The following ANKRD52 variants were observed in gnomAD, a reference collection of about 807,000 sequenced individuals.
ANKRD52 encodes the protein serine/threonine-protein phosphatase 6 regulatory ankyrin repeat subunit C.
A neutral mutation model predicts 116.0 loss-of-function variants in ANKRD52; 7 were observed. That is an observed-to-expected ratio of 0.06 (90% CI 0.03 to 0.11). The LOEUF (loss-of-function observed/expected upper bound fraction) is 0.11. Among genes scored for constraint, ANKRD52 ranks in the 10% least tolerant of loss-of-function variants. ANKRD52 has a pLI of 1.00. For synonymous variants in ANKRD52, 528 were observed against 578.1 expected, an observed-to-expected ratio of 0.91 and a Z score of 1.24; for missense variants, 839 against 1,408.6, an observed-to-expected ratio of 0.60 and a Z score of 6.47.
chr12:56,252,609 G>T lies in ANKRD52; in HGVS notation c.1302-39C>A, dbSNP rs1404166475. 1 of 1,603,888 alleles carries T rather than the reference G, an allele frequency of 6.2e-7. No homozygotes were observed. On this transcript the variant is annotated intron_variant, in intron 12 of 27. Transcript: ENST00000267116. This position sits in a 1 kb window ranked among gnomAD's most constrained non-coding sequence, Gnocchi z 4.7. ...GTGTTAAGAGAGTTACAGCCTCAAAGGGAAGCCACAGGCCCAGGGTGGGGC... is the reference window on the plus strand; with the variant it reads ...GTGTTAAGAGAGTTACAGCCTCAAATGGAAGCCACAGGCCCAGGGTGGGGC...
chr12:56,250,563 T>C (rs1871640247), intron 15 of ANKRD52, among the ~76,000 whole-genome samples: 2 of 151,546 alleles, frequency 1.3e-5, no homozygotes, highest in Non-Finnish European at 1.5e-5. Flanking sequence ...AAATAAACTT[T>C]TTGTTTTAGA....
In ANKRD52 at chr12:56,240,244, C is replaced by T. The variant is rs548250076; in HGVS notation, c.*2898G>A. 6.0e-4 allele frequency: 92 copies of T among 152,308 alleles called. No homozygotes were observed. The highest frequency in any genetic ancestry group is 2.1e-3 in the African/African-American group (88 of 41,540). The allele number at this position is 152,308 out of a possible 1,614,324, so 9.4% of individuals were successfully genotyped here. On this transcript the variant is annotated 3_prime_UTR_variant, in exon 28 of 28. Coordinates refer to ENST00000267116, the MANE Select transcript of ANKRD52 (RefSeq NM_173595.4). The surrounding 1 kb of genome is among the most constrained non-coding windows in gnomAD (Gnocchi z 4.2). The stretch of plus-strand genomic sequence containing the variant: ...TTTTTCTGAAGGATAGTATATGACC[C>T]TACCAGAGCCACCGCCCAATCAGAA...
Position 56,241,318 on chromosome 12 carries a change from A to G in ANKRD52, c.*1824T>C, listed in dbSNP as rs1871159464. 1 of 152,152 alleles carries G rather than the reference A, an allele frequency of 6.6e-6. No individual in the cohort carries two copies. The highest frequency in any genetic ancestry group is 2.4e-5 in the African/African-American group (1 of 41,424). The allele number at this position is 152,152 out of a possible 1,614,324, so 9.4% of individuals were successfully genotyped here. A position where few individuals can be genotyped will look rare whatever the true frequency, so the allele number is the denominator to read the frequency against. Reference sequence around the variant, plus strand: ...ACAGGGGATCAAAAGGGACCATGAAAAGATAAGGACTTGGACAACACCCCA... The same window carrying G: ...ACAGGGGATCAAAAGGGACCATGAAGAGATAAGGACTTGGACAACACCCCA... On this transcript the variant is annotated 3_prime_UTR_variant, in exon 28 of 28. Transcript: ENST00000267116.
In ANKRD52 at chr12:56,245,169, A is replaced by G; in HGVS notation, c.2426T>C (p.Leu809Ser). ...SYTGHEDCLE[L>S]LLEHSPFSYL... ...CGAAAACGGGCTGTGTTCAAGTAAC[A>G]ACTCCAGACAATCTTCATGTCCTGG... Residue 809 changes from leucine (L) to serine (S), a missense_variant, in exon 22 of 28, where the codon TTG becomes TCG. Leu to Ser is a moderately radical substitution (Grantham distance 145, BLOSUM62 -2). Coordinates refer to ENST00000267116, the MANE Select transcript of ANKRD52 (RefSeq NM_173595.4). 1 of 1,614,032 alleles carries G rather than the reference A, an allele frequency of 6.2e-7. No homozygotes were observed.
Position 56,237,939 on chromosome 12 carries a change from T to C in ANKRD52, c.*5203A>G. 1 of 575,296 alleles carries C rather than the reference T, an allele frequency of 1.7e-6. No individual in the cohort carries two copies. Among genetic ancestry groups the C allele is most frequent in the Non-Finnish European group, 2.9e-6 (1 of 345,822 alleles). 35.6% of individuals were successfully genotyped at this position (575,296 alleles called of 1,614,324 possible). On this transcript the variant is annotated 3_prime_UTR_variant, in exon 28 of 28. Transcript: ENST00000267116. ...GAAGCCGGTTGGGGGAGGATGTGAG[T>C]AGGGGCCTGGAGGGTGCAGGGTCAT...
chr12:56,247,471 T>TC (rs1871467098), intron 20 of ANKRD52, 22 bp downstream of exon 20: 1 of 1,543,410 alleles, frequency 6.5e-7, no homozygotes, highest in African/African-American at 1.4e-5. Flanking sequence ...GTGCAAACAA[T>TC]CCCCCCTAGA....
Position 56,248,644 on chromosome 12 carries a change from C to T in ANKRD52, c.1705-78G>A. ...CCCCAGTCCCCGACTCGCAGTAATC[C>T]CCACTAAGCCTCTGGATCCAAAGAC... On this transcript the variant is annotated intron_variant, in intron 16 of 27. Coordinates refer to ENST00000267116, the MANE Select transcript of ANKRD52 (RefSeq NM_173595.4). The surrounding 1 kb of genome is among the most constrained non-coding windows in gnomAD (Gnocchi z 5.1). 1 of 1,489,314 alleles carries T rather than the reference C, an allele frequency of 6.7e-7. No homozygotes were observed. Among genetic ancestry groups the T allele is most frequent in the Non-Finnish European group, 9.2e-7 (1 of 1,089,014 alleles). The allele number at this position is 1,489,314 out of a possible 1,614,324, so 92.3% of individuals were successfully genotyped here. A position where few individuals can be genotyped will look rare whatever the true frequency, so the allele number is the denominator to read the frequency against.
intron 21 of ANKRD52, 89 bp from the exon 22 acceptor site, chr12:56,245,279 A>T: frequency 6.2e-7 from 1 of 1,601,024 alleles, no homozygotes; most frequent in East Asian, 2.2e-5. Context: ...CCACTTCCAG[A>T]TTCAGATCAA....
intron 4 of ANKRD52, among the ~76,000 whole-genome samples, chr12:56,256,598 C>T (rs1278501003): frequency 6.6e-6 from 1 of 152,190 alleles, no homozygotes; most frequent in African/African-American, 2.4e-5. Flanking sequence ...GATAAAGGAC[C>T]CAACTGATGA....
rs374443069 is a variant in ANKRD52, at chr12:56,246,919, CAATAATAATAATAATAATAAT to C, written c.2184+553_2184+573del. 4.9e-3 allele frequency among the ~76,000 whole-genome samples: 615 copies of C among 125,484 alleles called. 5 individuals carry two copies. The highest frequency in any genetic ancestry group is 0.014 in the African/African-American group (457 of 32,718). The allele number at this position is 125,484 out of a possible 152,430, so 82.3% of individuals were successfully genotyped here. On this transcript the variant is annotated intron_variant, in intron 20 of 27. Coordinates refer to ENST00000267116, the MANE Select transcript of ANKRD52 (RefSeq NM_173595.4). The stretch of plus-strand genomic sequence containing the variant: ...TGGGTGACAGAGCGAGACTCTATCT[CAATAATAATAATAATAATAAT>C]AATAATAATAATAATAATAATAATA...
intron 1 of ANKRD52, 144 bp downstream of exon 1, chr12:56,258,098 CG>C (rs1872052461): frequency 7.0e-7 from 1 of 1,432,954 alleles, no homozygotes; most frequent in South Asian, 1.3e-5. Flanking sequence ...GACACCGGCT[CG>C]GTTGAGGGGA....
chr12:56,250,830 C>A (rs950915208), intron 15 of ANKRD52, among the ~76,000 whole-genome samples: 7 of 151,738 alleles, frequency 4.6e-5, no homozygotes, highest in Non-Finnish European at 1.0e-4. Flanking sequence ...TAACATCTTA[C>A]ATTAGTATGC....
At chr12:56,249,810 C>T (rs771558904) in intron 15 of ANKRD52, among the ~76,000 whole-genome samples, 1 of 152,196 alleles carries the variant, frequency 6.6e-6, no homozygotes, top group African/African-American at 2.4e-5. Context: ...GAGGCCAAGG[C>T]AGGTGGATCG....
rs749983471 is a variant in ANKRD52, at chr12:56,254,707, G to A, written c.564C>T (p.Val188=). The A allele has an allele frequency of 1.8e-5, 29 of 1,611,308 alleles. No homozygotes were observed. In the South Asian group the frequency reaches 3.2e-4, roughly 18 times the overall value. ...HWAAFLGHLE[V]LKLLVARGAD... is the part of the protein sequence containing the mutation. ...CTCCCCGTGCCACCAGCAGTTTTAG[G>A]ACCTCCAAGTGCCCTGAGAAAAGAG... The change falls in exon 7 of 28, where the codon GTC becomes GTT. Residue 188 remains valine (V), a synonymous_variant. Coordinates refer to ENST00000267116, the MANE Select transcript of ANKRD52 (RefSeq NM_173595.4). This position sits in a 1 kb window ranked among gnomAD's most constrained non-coding sequence, Gnocchi z 4.6.
rs775945057 is a variant in ANKRD52 at position 56,252,184 on chromosome 12, G to A, written c.1502C>T (p.Thr501Ile). The A allele has an allele frequency of 6.2e-7, 1 of 1,614,018 alleles. No individual in the cohort carries two copies. Among genetic ancestry groups the A allele is most frequent in the Non-Finnish European group, 8.5e-7 (1 of 1,179,894 alleles). The change falls in exon 14 of 28, where the codon ACT becomes ATT. Residue 501 changes from threonine to isoleucine, a missense_variant. Transcript: ENST00000267116. The surrounding 1 kb of genome is among the most constrained non-coding windows in gnomAD (Gnocchi z 4.7). Reference protein sequence around the residue: ...SPLHYAAASDTYRRAEPHTPS... With the variant: ...SPLHYAAASDIYRRAEPHTPS... ...AGACTGGTAGCCTCACCTCCTGTAA[G>A]TGTCAGAAGCGGCAGCGTAGTGGAG...
In ANKRD52 at chr12:56,247,480, G is replaced by A; in HGVS notation, c.2184+13C>T. 1 of 1,556,968 alleles carries A rather than the reference G, an allele frequency of 6.4e-7. No individual in the cohort carries two copies. The highest frequency in any genetic ancestry group is 8.7e-7 in the Non-Finnish European group (1 of 1,149,542). ...GCCCATGTGCAAACAATCCCCCCTA[G>A]AAGCTCACTCACCCCGCGGTGGAGG... is the stretch of plus-strand genomic sequence containing the variant. On this transcript the variant is annotated intron_variant, in intron 20 of 27. Coordinates refer to ENST00000267116, the MANE Select transcript of ANKRD52 (RefSeq NM_173595.4).
chr12:56,243,119 C>G lies in ANKRD52; in HGVS notation c.*23G>C, dbSNP rs778736280. On this transcript the variant is annotated 3_prime_UTR_variant, in exon 28 of 28. Transcript: ENST00000267116. The surrounding 1 kb of genome is among the most constrained non-coding windows in gnomAD (Gnocchi z 4.6). ...ATAGAATTAGATATCAAGCCACCGG[C>G]GGGGGAGGGACACTGGAGGGGGCTA... 6.4e-7 allele frequency: 1 copy of G among 1,564,166 alleles called. No individual in the cohort carries two copies. Among genetic ancestry groups the G allele is most frequent in the East Asian group, 2.3e-5 (1 of 43,692 alleles).
chr12:56,256,893 T>C, intron 4 of ANKRD52, 122 bp downstream of exon 4: 1 of 1,072,852 alleles, frequency 9.3e-7, no homozygotes, highest in Non-Finnish European at 1.3e-6. Flanking sequence ...CAAGATTTGA[T>C]CTCCTCACTA....
chr12:56,253,424 C>A lies in ANKRD52; in HGVS notation c.986-22G>T. The A allele has an allele frequency of 6.3e-7, 1 of 1,586,926 alleles. No homozygotes were observed. Among genetic ancestry groups the A allele is most frequent in the Non-Finnish European group, 8.6e-7 (1 of 1,156,380 alleles). ...CTGCCTGTGAGGGGATGCACACACA[C>A]AAGCTCAGGCAGACCTCAGGCTTAA... On this transcript the variant is annotated intron_variant, in intron 9 of 27. Coordinates refer to ENST00000267116, the MANE Select transcript of ANKRD52 (RefSeq NM_173595.4). This position sits in a 1 kb window ranked among gnomAD's most constrained non-coding sequence, Gnocchi z 5.5.
Sources: gnomAD v4.1 joint callset for allele counts (sites outside exome capture counted in the v4.1 genomes callset) on GRCh38, gnomAD v4.1.1 for gene constraint, Gnocchi (gnomAD v3.1) non-coding constraint, MANE v1.5 for transcripts, NCBI Gene and HGNC (gene_info 2026-07-23, HGNC 2026-07-21) for gene names.